The following PHTF2 variants were observed in gnomAD, a reference collection of about 807,000 sequenced individuals.
PHTF2 encodes the protein protein PHTF2.
Under a neutral mutation model 101.2 loss-of-function variants are expected in PHTF2, and 60 were observed. The ratio of observed to expected loss-of-function variants is 0.59; its 90% CI spans 0.48 to 0.73. The LOEUF (loss-of-function observed/expected upper bound fraction) is 0.73. Ranked by LOEUF, PHTF2 falls within the 30% of genes least tolerant of loss-of-function variation. The pLI, the probability that PHTF2 is intolerant of heterozygous loss-of-function variation, is 0.00. For missense variants in PHTF2, 747 were observed against 908.7 expected, an observed-to-expected ratio of 0.82 and a Z score of 2.29; for synonymous variants, 311 against 307.3, an observed-to-expected ratio of 1.01 and a Z score of -0.13.
At chr7:77,855,203 C>T (rs569954155) in intron 3 of PHTF2, among the ~76,000 whole-genome samples, 128 of 152,312 alleles carry the variant, frequency 8.4e-4, no homozygotes, top group African/African-American at 2.8e-3. Context: ...GCCATGGCTG[C>T]GTCCTTCTCT....
intron 1 of PHTF2, among the ~76,000 whole-genome samples, chr7:77,833,674 A>G (rs114822376): frequency 5.9e-4 from 90 of 152,222 alleles, no homozygotes; most frequent in African/African-American, 2.0e-3. Context: ...CAGGATGTGC[A>G]TGAGGATATG....
At chr7:77,870,311 T>A (rs1798413343) in intron 3 of PHTF2, among the ~76,000 whole-genome samples, 1 of 151,026 alleles carries the variant, frequency 6.6e-6, no homozygotes. Flanking sequence ...TGGAAAAAAA[T>A]TATATATATG....
intron 2 of PHTF2, among the ~76,000 whole-genome samples, chr7:77,843,141 T>C (rs1386563684): frequency 6.6e-6 from 1 of 152,238 alleles, no homozygotes; most frequent in Non-Finnish European, 1.5e-5. Context: ...AGCTTTTTTA[T>C]AAGCTTCCCC....
chr7:77,859,864 C>T (rs1046619907), intron 3 of PHTF2, among the ~76,000 whole-genome samples: 1 of 152,118 alleles, frequency 6.6e-6, no homozygotes, highest in African/African-American at 2.4e-5. Context: ...TGTGAGCCAC[C>T]ATGCCTGGTA....
At position 77,942,763 on chromosome 7, in the gene PHTF2, G is replaced by GT; in HGVS notation, c.1938dup (p.Val647CysfsTer17). ...ATCTGCTTTCTTATTGACTATCTCAGTTGTATTTATCTGTTGTGCCCAGGT... is the reference window on the plus strand; with the variant it reads ...ATCTGCTTTCTTATTGACTATCTCAGTTTGTATTTATCTGTTGTGCCCAGGT... On this transcript the variant is annotated frameshift_variant, in exon 16 of 20. Transcript: ENST00000416283. LOFTEE classifies it high-confidence loss of function. 1 of 1,595,322 alleles carries GT rather than the reference G, an allele frequency of 6.3e-7. No individual in the cohort carries two copies. Among genetic ancestry groups the GT allele is most frequent in the Non-Finnish European group, 8.6e-7 (1 of 1,168,196 alleles).
intron 3 of PHTF2, among the ~76,000 whole-genome samples, chr7:77,878,867 G>A (rs926167709): frequency 9.2e-5 from 14 of 152,184 alleles, no homozygotes; most frequent in Non-Finnish European, 1.9e-4. Context: ...TAAAAAGGGT[G>A]GCTTGGCATT....
chr7:77,915,918 G>C lies in PHTF2; in HGVS notation c.777-4361G>C, dbSNP rs73375879. On this transcript the variant is annotated intron_variant, in intron 9 of 19. Coordinates refer to ENST00000416283, the Ensembl canonical transcript of PHTF2. ...GATCTAAGAAAATAGCATTAACTCT[G>C]GTTTTATGAAATGAATATTACATGC... Among the ~76,000 whole-genome samples the C allele has an allele frequency of 7.8e-3, 1,182 of 151,890 alleles. 20 individuals carry two copies. Among genetic ancestry groups the C allele is most frequent in the African/African-American group, 0.028 (1,144 of 41,400 alleles).
chr7:77,931,427 T>A (rs1804553661), intron 12 of PHTF2, among the ~76,000 whole-genome samples: 1 of 151,788 alleles, frequency 6.6e-6, no homozygotes, highest in African/African-American at 2.4e-5. Context: ...AATAGAAAAA[T>A]AAAAGGATGT....
rs1327047697 is a variant in PHTF2, at chr7:77,949,823, T to G, written c.2105T>G (p.Leu702Arg). ...AAATATAGTAATACCTCAATATTAC[T>G]TACTGAACAGGTGAGTGTGCCTACT... The change falls in exon 17 of 20, where the codon CTT becomes CGT. Residue 702 changes from leucine (L) to arginine (R), a missense_variant. Transcript: ENST00000416283. 13 of 1,494,160 alleles carry G rather than the reference T, an allele frequency of 8.7e-6. No individual in the cohort carries two copies. The South Asian group carries it at 1.6e-4, about 18-fold the overall frequency. The allele number at this position is 1,494,160 out of a possible 1,614,324, so 92.6% of individuals were successfully genotyped here.
intron 2 of PHTF2, among the ~76,000 whole-genome samples, chr7:77,853,727 TTTC>T (rs1796953784): frequency 6.6e-6 from 1 of 152,030 alleles, no homozygotes; most frequent in Non-Finnish European, 1.5e-5. Context: ...TCTCTCTCTC[TTTC>T]TTTTTTTTAA....
At chr7:77,912,785 C>T (rs1584688504) in intron 9 of PHTF2, among the ~76,000 whole-genome samples, 1 of 117,298 alleles carries the variant, frequency 8.5e-6, no homozygotes, top group Non-Finnish European at 1.6e-5. Context: ...CTTGGTGGAG[C>T]GCAGTGGCGT....
rs149972888 is a variant in PHTF2 at position 77,930,701 on chromosome 7, C to T, written c.1338+1374C>T. On this transcript the variant is annotated intron_variant, in intron 12 of 19. Transcript: ENST00000416283. ...GGCCTGGAAGTCCAAGATCAGGGTGCCAGCATGATTGGTTCTTGGTAAAGG... is the reference window on the plus strand; with the variant it reads ...GGCCTGGAAGTCCAAGATCAGGGTGTCAGCATGATTGGTTCTTGGTAAAGG... Among the ~76,000 whole-genome samples, 1,106 of 152,264 alleles carry T rather than the reference C, an allele frequency of 7.3e-3. 5 individuals are homozygous for T. Among genetic ancestry groups the T allele is most frequent in the Non-Finnish European group, 0.012 (810 of 68,016 alleles).
chr7:77,893,366 C>G (rs990151426), intron 3 of PHTF2, among the ~76,000 whole-genome samples: 1 of 152,072 alleles, frequency 6.6e-6, no homozygotes, highest in Non-Finnish European at 1.5e-5. Flanking sequence ...GATTCTGTAA[C>G]TCTGGAGTGG....
At chr7:77,937,421 A>G (rs952069201) in intron 12 of PHTF2, among the ~76,000 whole-genome samples, 2 of 152,178 alleles carry the variant, frequency 1.3e-5, no homozygotes, top group African/African-American at 4.8e-5. Flanking sequence ...AAAGTTCTCA[A>G]CTTGTACAGT....
chr7:77,889,878 C>T (rs958630698), intron 3 of PHTF2, among the ~76,000 whole-genome samples: 1 of 152,038 alleles, frequency 6.6e-6, no homozygotes, highest in Non-Finnish European at 1.5e-5. Flanking sequence ...GGATTACAGG[C>T]GTGAGCCACC....
chr7:77,943,375 C>T (rs1253408988), intron 16 of PHTF2, among the ~76,000 whole-genome samples: 4 of 152,174 alleles, frequency 2.6e-5, no homozygotes, highest in Admixed American at 2.6e-4. Context: ...GATCTGCCCG[C>T]CTCGGCCTCC....
chr7:77,883,005 A>C (rs1029580075), intron 3 of PHTF2, among the ~76,000 whole-genome samples: 17 of 152,126 alleles, frequency 1.1e-4, no homozygotes, highest in Admixed American at 7.9e-4. Context: ...ATGTAGATTA[A>C]AATAGAATGT....
exon 20 of PHTF2, chr7:77,955,020 C>G: frequency 2.5e-6 from 1 of 394,864 alleles, no homozygotes; most frequent in Non-Finnish European, 4.7e-6. Flanking sequence ...TTGTGCAATT[C>G]TTATATTTAT....
intron 1 of PHTF2, among the ~76,000 whole-genome samples, chr7:77,803,409 AC>A (rs1222703736): frequency 1.3e-5 from 2 of 152,200 alleles, no homozygotes; most frequent in Non-Finnish European, 2.9e-5. Context: ...AGGATTTGTT[AC>A]AGATACCAGA....
Sources: allele counts gnomAD v4.1 joint callset (sites outside exome capture counted in the v4.1 genomes callset), GRCh38; gene constraint gnomAD v4.1.1; transcripts MANE v1.5; gene names NCBI Gene and HGNC (gene_info 2026-07-23, HGNC 2026-07-21).